The following GLIPR1L1 variants were observed in gnomAD, a reference collection of about 807,000 sequenced individuals.
GLIPR1L1 encodes GLIPR1 like 1, also known as GLIPR1-like protein 1.
Under a neutral mutation model 29.9 loss-of-function variants are expected in GLIPR1L1, and 26 were observed. That is an observed-to-expected ratio of 0.87 (90% CI 0.64 to 1.21). The LOEUF (loss-of-function observed/expected upper bound fraction) is 1.21, where lower values mean the gene tolerates loss of function less well. Among genes scored for constraint, GLIPR1L1 ranks in the 50% most tolerant of loss-of-function variants. The pLI, the probability that GLIPR1L1 is intolerant of heterozygous loss-of-function variation, is 0.00. For missense variants in GLIPR1L1, 305 were observed against 290.3 expected (o/e 1.05, Z -0.37); for synonymous variants, 77 against 97.5 (o/e 0.79, Z 1.24).
At chr12:75,356,846 A>G (rs2043186929) in intron 3 of GLIPR1L1, among the ~76,000 whole-genome samples, 2 of 152,154 alleles carry the variant, frequency 1.3e-5, no homozygotes, top group Admixed American at 6.6e-5. Context: ...ACACAAATAG[A>G]CTAGAAGCAA....
At chr12:75,369,210 T>C (rs2044193136) in intron 4 of GLIPR1L1, among the ~76,000 whole-genome samples, 1 of 151,974 alleles carries the variant, frequency 6.6e-6, no homozygotes, top group Non-Finnish European at 1.5e-5. Flanking sequence ...AATTTTTCAA[T>C]ACATTTTAGC....
intron 4 of GLIPR1L1, chr12:75,365,036 T>C (rs2043872727): frequency 6.6e-6 from 1 of 152,148 alleles, no homozygotes; most frequent in East Asian, 1.9e-4. Context: ...CCATCCTTCA[T>C]TGAGAGGATC....
At chr12:75,335,886 T>C (rs1210895782) in intron 1 of GLIPR1L1, among the ~76,000 whole-genome samples, 2 of 152,156 alleles carry the variant, frequency 1.3e-5, no homozygotes, top group African/African-American at 4.8e-5. Context: ...TTAGTATTAA[T>C]ATGGTTGATG....
chr12:75,336,428 C>G (rs926035684), intron 1 of GLIPR1L1, among the ~76,000 whole-genome samples: 2 of 151,514 alleles, frequency 1.3e-5, no homozygotes, highest in African/African-American at 4.8e-5. Flanking sequence ...GCTTTTGTAA[C>G]AGAAACATAT....
At chr12:75,339,601 T>C (rs922684011) in intron 1 of GLIPR1L1, among the ~76,000 whole-genome samples, 9 of 152,302 alleles carry the variant, frequency 5.9e-5, no homozygotes, top group African/African-American at 2.2e-4. Context: ...TTAGATACCA[T>C]TTGTCCATTT....
At chr12:75,359,571 T>C (rs1288248672) in intron 3 of GLIPR1L1, among the ~76,000 whole-genome samples, 3 of 151,802 alleles carry the variant, frequency 2.0e-5, no homozygotes, top group Non-Finnish European at 4.4e-5. Context: ...AATAATATGG[T>C]TTTCAAAAGT....
intron 3 of GLIPR1L1, among the ~76,000 whole-genome samples, chr12:75,354,167 G>A (rs751619950): frequency 0.026 from 1,194 of 46,358 alleles, 29 homozygotes; most frequent in African/African-American, 0.07. Context: ...AGAAAAAAAA[G>A]GGGGGGGGGT....
intron 3 of GLIPR1L1, among the ~76,000 whole-genome samples, chr12:75,358,342 T>C (rs1460363230): frequency 1.3e-5 from 2 of 151,958 alleles, no homozygotes; most frequent in African/African-American, 2.4e-5. Flanking sequence ...AATTTAGCTA[T>C]TGAATCCAAC....
At chr12:75,342,293 C>A (rs956237306) in intron 1 of GLIPR1L1, among the ~76,000 whole-genome samples, 3 of 152,112 alleles carry the variant, frequency 2.0e-5, no homozygotes, top group Non-Finnish European at 4.4e-5. Context: ...CTGTTGAAAT[C>A]TTTAAAAGGT....
intron 4 of GLIPR1L1, among the ~76,000 whole-genome samples, chr12:75,368,091 G>A (rs1318987445): frequency 2.0e-5 from 3 of 151,582 alleles, no homozygotes; most frequent in African/African-American, 7.3e-5. Flanking sequence ...TGTATCAAAC[G>A]GTTTCTAATA....
At chr12:75,343,586 C>A in intron 1 of GLIPR1L1, 107 bp from the exon 2 acceptor site, 1 of 843,820 alleles carries the variant, frequency 1.2e-6, no homozygotes, top group Non-Finnish European at 1.8e-6. Context: ...AAAACTACAT[C>A]TTATTAAAAT....
At chr12:75,368,385 A>C (rs1593863421) in intron 4 of GLIPR1L1, among the ~76,000 whole-genome samples, 1 of 151,614 alleles carries the variant, frequency 6.6e-6, no homozygotes, top group Non-Finnish European at 1.5e-5. Context: ...CATCTCTTGA[A>C]CTAATGCTAC....
At chr12:75,355,610 C>T (rs1443764441) in intron 3 of GLIPR1L1, among the ~76,000 whole-genome samples, 4 of 152,144 alleles carry the variant, frequency 2.6e-5, no homozygotes, top group Non-Finnish European at 5.9e-5. Context: ...CCATTTGACC[C>T]AGCAATCCCA....
At position 75,350,874 on chromosome 12, in the gene GLIPR1L1, A is replaced by C. The variant is rs1565977173; in HGVS notation, c.521+3152A>C. Among the ~76,000 whole-genome samples the C allele has an allele frequency of 3.3e-5, 5 of 152,230 alleles. No homozygotes were observed. The South Asian group carries it at 1.0e-3, about 31-fold the overall frequency. On this transcript the variant is annotated intron_variant, in intron 3 of 5. Transcript: ENST00000378695. ...GGACGAATTGACAAAAATAGGGTTCAGAAGATGCATAATAATGAACTTCAC... is the reference window on the plus strand; with the variant it reads ...GGACGAATTGACAAAAATAGGGTTCCGAAGATGCATAATAATGAACTTCAC...
intron 1 of GLIPR1L1, among the ~76,000 whole-genome samples, chr12:75,338,463 T>C (rs2041880869): frequency 6.6e-6 from 1 of 152,164 alleles, no homozygotes; most frequent in Non-Finnish European, 1.5e-5. Context: ...CTCAATAGAG[T>C]CATGAAAACC....
intron 3 of GLIPR1L1, chr12:75,360,169 C>T (rs1376677929): frequency 6.6e-6 from 1 of 152,130 alleles, no homozygotes; most frequent in African/African-American, 2.4e-5. Flanking sequence ...ATAAGAATTA[C>T]AATTCGAGAT....
At chr12:75,346,673 T>A (rs1255003725) in intron 2 of GLIPR1L1, among the ~76,000 whole-genome samples, 1 of 152,160 alleles carries the variant, frequency 6.6e-6, no homozygotes, top group Admixed American at 6.5e-5. Context: ...AGTTCTCAGT[T>A]CACTTTGATT....
intron 1 of GLIPR1L1, among the ~76,000 whole-genome samples, chr12:75,336,412 A>G (rs1163586177): frequency 1.3e-5 from 2 of 151,826 alleles, no homozygotes; most frequent in African/African-American, 4.8e-5. Flanking sequence ...ATCAGATTGG[A>G]TTAATGCTTT....
chr12:75,369,708 T>G (rs984534045), intron 4 of GLIPR1L1: 3 of 985,068 alleles, frequency 3.0e-6, no homozygotes, highest in African/African-American at 3.5e-5. Context: ...TATAGCTTTT[T>G]CTGGTTTTGA....
Sources: allele counts gnomAD v4.1 joint callset (sites outside exome capture counted in the v4.1 genomes callset), GRCh38; gene constraint gnomAD v4.1.1; transcripts MANE v1.5; gene names NCBI Gene and HGNC (gene_info 2026-07-23, HGNC 2026-07-21).